Variants in ARID5B observed in about 807,000 individuals in gnomAD.
ARID5B encodes AT-rich interactive domain-containing protein 5B.
A neutral mutation model predicts 97.2 loss-of-function variants in ARID5B; 13 were observed. That is an observed-to-expected ratio of 0.13 (90% CI 0.09 to 0.21). The LOEUF is 0.21. ARID5B is among the 10% of genes least tolerant of loss of function. The probability of loss-of-function intolerance (pLI) is 1.00; values close to 1 mark genes in which losing one functional copy is unlikely to be tolerated. For synonymous variants in ARID5B, 556 were observed against 570.3 expected (o/e 0.97, Z 0.36); for missense variants, 1,210 against 1,465.3 (o/e 0.83, Z 2.84).
chr10:61,942,091 T>A (rs571605937), intron 3 of ARID5B, among the ~76,000 whole-genome samples: 1 of 152,336 alleles, frequency 6.6e-6, no homozygotes, highest in East Asian at 1.9e-4. Context: ...GACAAAAGGA[T>A]GTGTAGATGG....
At chr10:61,902,881 G>A (rs1843641676) in intron 2 of ARID5B, among the ~76,000 whole-genome samples, 1 of 152,114 alleles carries the variant, frequency 6.6e-6, no homozygotes, top group Admixed American at 6.5e-5. Flanking sequence ...ATATGTTTAA[G>A]AGGGCGGAAA....
At chr10:61,988,936 C>CTTTTTTT (rs61016394) in intron 3 of ARID5B, among the ~76,000 whole-genome samples, 2 of 122,262 alleles carry the variant, frequency 1.6e-5, no homozygotes, top group African/African-American at 3.1e-5. Flanking sequence ...TTTTCTTTTA[C>CTTTTTTT]TTTTTTTTTT....
intron 2 of ARID5B, among the ~76,000 whole-genome samples, chr10:61,916,450 T>C (rs1253696904): frequency 1.3e-5 from 2 of 152,168 alleles, no homozygotes; most frequent in East Asian, 3.8e-4. Context: ...CAACCCCTCA[T>C]TTAAAATAAT....
At chr10:62,042,697 G>T (rs1313378427) in intron 4 of ARID5B, among the ~76,000 whole-genome samples, 1 of 151,994 alleles carries the variant, frequency 6.6e-6, no homozygotes, top group African/African-American at 2.4e-5. Flanking sequence ...GGATCACGAG[G>T]TCAGGAGATC....
At chr10:61,907,093 T>C (rs1010500742) in intron 2 of ARID5B, among the ~76,000 whole-genome samples, 3 of 152,256 alleles carry the variant, frequency 2.0e-5, no homozygotes, top group African/African-American at 7.2e-5. Flanking sequence ...GTGAGTTTGC[T>C]AGGACATGTG....
At chr10:62,048,049 C>A (rs1839734583) in intron 4 of ARID5B, among the ~76,000 whole-genome samples, 1 of 152,158 alleles carries the variant, frequency 6.6e-6, no homozygotes, top group East Asian at 1.9e-4. Context: ...TCTCCATTCC[C>A]AGTGCAAACT....
At chr10:61,918,617 A>G (rs1367368379) in intron 2 of ARID5B, among the ~76,000 whole-genome samples, 1 of 152,192 alleles carries the variant, frequency 6.6e-6, no homozygotes, top group Non-Finnish European at 1.5e-5. Flanking sequence ...CTGGTTTTTC[A>G]TTTACCCCAA....
chr10:62,002,780 T>C (rs528489958), intron 4 of ARID5B, among the ~76,000 whole-genome samples: 1 of 152,350 alleles, frequency 6.6e-6, no homozygotes, highest in Admixed American at 6.5e-5. Flanking sequence ...GCCAGATGAC[T>C]GAAACACTTC....
At chr10:61,965,903 T>G (rs1838538311) in intron 3 of ARID5B, among the ~76,000 whole-genome samples, 1 of 152,234 alleles carries the variant, frequency 6.6e-6, no homozygotes, top group Admixed American at 6.5e-5. Context: ...ATGTGCATTA[T>G]CTGGGAAACA....
chr10:61,979,375 T>C (rs374615757), intron 3 of ARID5B, among the ~76,000 whole-genome samples: 1 of 152,226 alleles, frequency 6.6e-6, no homozygotes, highest in African/African-American at 2.4e-5. Flanking sequence ...TTTTTGTTTT[T>C]TAAATTCCGT....
intron 3 of ARID5B, among the ~76,000 whole-genome samples, chr10:61,996,846 T>C (rs1320403044): frequency 1.3e-5 from 2 of 150,122 alleles, no homozygotes; most frequent in Non-Finnish European, 3.0e-5. Flanking sequence ...TACTGGGGGG[T>C]TAGGAGAGAA....
chr10:61,998,490 G>C (rs1839032650), intron 3 of ARID5B, among the ~76,000 whole-genome samples: 1 of 152,226 alleles, frequency 6.6e-6, no homozygotes, highest in African/African-American at 2.4e-5. Flanking sequence ...TGTTGTACAG[G>C]TGGAGGCCAC....
chr10:62,085,640 C>T (rs1398116858), intron 8 of ARID5B, 62 bp from the exon 9 acceptor site: 5 of 1,344,284 alleles, frequency 3.7e-6, no homozygotes, highest in East Asian at 4.6e-5. Context: ...AGTAAACCCC[C>T]ATAGCATTGA....
At chr10:62,074,747 T>C (rs1162509226) in intron 8 of ARID5B, among the ~76,000 whole-genome samples, 1 of 152,180 alleles carries the variant, frequency 6.6e-6, no homozygotes, top group Admixed American at 6.5e-5. Flanking sequence ...AATTGTATAT[T>C]TAAGAGGACC....
intron 2 of ARID5B, among the ~76,000 whole-genome samples, chr10:61,904,478 C>T (rs796681011): frequency 2.6e-5 from 4 of 152,182 alleles, no homozygotes; most frequent in African/African-American, 9.6e-5. Context: ...TTTAATTGTT[C>T]ATTATGGGGA....
At chr10:61,995,880 G>C (rs1012305413) in intron 3 of ARID5B, among the ~76,000 whole-genome samples, 13 of 152,160 alleles carry the variant, frequency 8.5e-5, no homozygotes, top group Admixed American at 8.5e-4. Flanking sequence ...CTCCTCTGGG[G>C]ATGTCTAATT....
intron 8 of ARID5B, among the ~76,000 whole-genome samples, chr10:62,072,682 C>G (rs1291803810): frequency 6.6e-6 from 1 of 152,236 alleles, no homozygotes; most frequent in Non-Finnish European, 1.5e-5. Context: ...CTAGACTCCT[C>G]TCACATCCTT....
intron 3 of ARID5B, among the ~76,000 whole-genome samples, chr10:61,989,685 C>T (rs796271934): frequency 3.3e-5 from 5 of 152,254 alleles, no homozygotes; most frequent in East Asian, 1.9e-4. Flanking sequence ...GTAGCCTTGC[C>T]GTGCATTCCA....
At chr10:61,913,034 C>T (rs1163354165) in intron 2 of ARID5B, among the ~76,000 whole-genome samples, 1 of 152,154 alleles carries the variant, frequency 6.6e-6, no homozygotes, top group Non-Finnish European at 1.5e-5. Flanking sequence ...CTCAGACTTT[C>T]CTGAATGTGA....
Sources: allele counts gnomAD v4.1 joint callset (sites outside exome capture counted in the v4.1 genomes callset), GRCh38; gene constraint gnomAD v4.1.1; transcripts MANE v1.5; gene names NCBI Gene and HGNC (gene_info 2026-07-23, HGNC 2026-07-21).